Variants in TEAD1 observed in about 807,000 individuals in gnomAD.
TEAD1 encodes the protein transcriptional enhancer factor TEF-1.
A neutral mutation model predicts 54.9 loss-of-function variants in TEAD1; 9 were observed. That is an observed-to-expected ratio of 0.16 (90% CI 0.10 to 0.29). The LOEUF is 0.29. Among genes scored for constraint, TEAD1 ranks in the 10% least tolerant of loss-of-function variants. The pLI is 1.00. For synonymous variants in TEAD1, 200 were observed against 187.8 expected (o/e 1.07, Z -0.53); for missense variants, 387 against 535.9 (o/e 0.72, Z 2.74).
chr11:12,799,091 T>C (rs114628320), intron 3 of TEAD1, among the ~76,000 whole-genome samples: 1,566 of 152,326 alleles, frequency 0.01, 28 homozygotes, highest in African/African-American at 0.036. Context: ...GAAAATCTCA[T>C]TGAAGAGGTG....
At chr11:12,682,756 G>A (rs550017951) in intron 2 of TEAD1, among the ~76,000 whole-genome samples, 1 of 152,094 alleles carries the variant, frequency 6.6e-6, no homozygotes, top group African/African-American at 2.4e-5. Flanking sequence ...AATGAACAGC[G>A]ATCAGTAAAA....
At chr11:12,719,607 A>C (rs1944140623) in intron 2 of TEAD1, among the ~76,000 whole-genome samples, 1 of 151,718 alleles carries the variant, frequency 6.6e-6, no homozygotes, top group African/African-American at 2.4e-5. Flanking sequence ...TGTGTCAAAA[A>C]GGTCAGGCTA....
chr11:12,796,020 C>A (rs1945911568), intron 3 of TEAD1, among the ~76,000 whole-genome samples: 1 of 152,138 alleles, frequency 6.6e-6, no homozygotes, highest in East Asian at 1.9e-4. Context: ...ATCCAGACTT[C>A]AATATTGAGG....
At chr11:12,747,422 C>T (rs1944769042) in intron 2 of TEAD1, among the ~76,000 whole-genome samples, 2 of 152,032 alleles carry the variant, frequency 1.3e-5, no homozygotes, top group Non-Finnish European at 2.9e-5. Flanking sequence ...TGCAACTCTG[C>T]CTCCCGGGTT....
At chr11:12,924,787 GCATC>G in intron 10 of TEAD1, 121 bp from the exon 11 acceptor site, 1 of 1,185,076 alleles carries the variant, frequency 8.4e-7, no homozygotes. Flanking sequence ...TTCTAGATGA[GCATC>G]ACCTTCCCAA....
At chr11:12,808,944 A>C (rs1946233496) in intron 3 of TEAD1, among the ~76,000 whole-genome samples, 1 of 152,162 alleles carries the variant, frequency 6.6e-6, no homozygotes. Flanking sequence ...ATGCTGTTGG[A>C]GTCCCTAGAA....
At chr11:12,688,188 T>C (rs1943374243) in intron 2 of TEAD1, among the ~76,000 whole-genome samples, 1 of 152,160 alleles carries the variant, frequency 6.6e-6, no homozygotes, top group African/African-American at 2.4e-5. Flanking sequence ...GGTGACCAGC[T>C]TAGCCTGTGA....
Position 12,893,726 on chromosome 11 carries a change from G to A in TEAD1, c.700-8214G>A, listed in dbSNP as rs1235619877. ...AGGATGCATCTCGGTGTGAGATCCC[G>A]GAAGGAGGCATTCACTTGCTCCTTG... On this transcript the variant is annotated intron_variant, in intron 9 of 12. Transcript: ENST00000527636. Among the ~76,000 whole-genome samples, 17 of 152,090 alleles carry A rather than the reference G, an allele frequency of 1.1e-4. No individual in the cohort carries two copies. The East Asian group carries it at 1.5e-3, about 14-fold the overall frequency.
At chr11:12,699,700 C>G (rs930241150) in intron 2 of TEAD1, among the ~76,000 whole-genome samples, 4 of 152,164 alleles carry the variant, frequency 2.6e-5, no homozygotes, top group African/African-American at 9.7e-5. Flanking sequence ...AGTGTAATTG[C>G]TCAGTGTCTA....
At chr11:12,834,739 GA>G (rs368574196) in intron 3 of TEAD1, among the ~76,000 whole-genome samples, 103,812 of 150,648 alleles carry the variant, frequency 0.69, 35,998 homozygotes, top group East Asian at 0.76. Context: ...TGGGATTACA[GA>G]GGTTCACACC....
chr11:12,834,612 TTTTG>T (rs887146898), intron 3 of TEAD1, among the ~76,000 whole-genome samples: 13 of 152,166 alleles, frequency 8.5e-5, no homozygotes, highest in African/African-American at 2.4e-4. Flanking sequence ...TAAAGATATT[TTTTG>T]TTTGTTTGTT....
intron 2 of TEAD1, among the ~76,000 whole-genome samples, chr11:12,716,460 T>G (rs1424755909): frequency 6.6e-6 from 1 of 152,174 alleles, no homozygotes. Context: ...GAAGTAATCC[T>G]TTTTATTTTC....
intron 3 of TEAD1, among the ~76,000 whole-genome samples, chr11:12,766,933 C>A (rs557124827): frequency 6.6e-6 from 1 of 152,264 alleles, no homozygotes; most frequent in Admixed American, 6.5e-5. Context: ...CAGCCACCCC[C>A]ACCTCCAGGC....
chr11:12,881,115 T>A, intron 7 of TEAD1, 64 bp downstream of exon 7: 3 of 1,569,216 alleles, frequency 1.9e-6, no homozygotes, highest in Non-Finnish European at 2.6e-6. Flanking sequence ...TGGGGAGAGC[T>A]CTTCCTGGAC....
chr11:12,810,574 C>T (rs11022509), intron 3 of TEAD1, among the ~76,000 whole-genome samples: 12,748 of 152,184 alleles, frequency 0.084, 707 homozygotes, highest in South Asian at 0.19. Flanking sequence ...TCTTCGGAGT[C>T]GTTTTAGACT....
chr11:12,723,900 G>A lies in TEAD1; in HGVS notation c.-54-40279G>A, dbSNP rs554962620. Among the ~76,000 whole-genome samples the A allele has an allele frequency of 2.6e-4, 39 of 152,264 alleles. No individual in the cohort carries two copies. In the Middle Eastern group the frequency reaches 0.014, roughly 53 times the overall value. ...GGAGCCCAACTTGTTTTTCAAGTTG[G>A]TCTTGAATAAGTTTGTTCTTTCTGG... On this transcript the variant is annotated intron_variant, in intron 2 of 12. Coordinates refer to ENST00000527636, the MANE Select transcript of TEAD1 (RefSeq NM_021961.6).
chr11:12,818,625 C>T (rs550583536), intron 3 of TEAD1, among the ~76,000 whole-genome samples: 50 of 152,278 alleles, frequency 3.3e-4, no homozygotes, highest in African/African-American at 1.2e-3. Flanking sequence ...CTCCCTTCTT[C>T]CCCTACATGG....
intron 2 of TEAD1, among the ~76,000 whole-genome samples, chr11:12,691,470 A>G (rs1012284879): frequency 6.6e-6 from 1 of 152,012 alleles, no homozygotes; most frequent in African/African-American, 2.4e-5. Flanking sequence ...TAATCTGCTC[A>G]CCTTTGGAAA....
intron 2 of TEAD1, among the ~76,000 whole-genome samples, chr11:12,755,961 A>G (rs1023731463): frequency 2.0e-5 from 3 of 152,174 alleles, no homozygotes; most frequent in Admixed American, 1.3e-4. Context: ...GGGGTGGGCT[A>G]TTCCCCTAAA....
Sources: gnomAD v4.1 joint callset for allele counts (sites outside exome capture counted in the v4.1 genomes callset) on GRCh38, gnomAD v4.1.1 for gene constraint, MANE v1.5 for transcripts, NCBI Gene and HGNC (gene_info 2026-07-23, HGNC 2026-07-21) for gene names.